DOK6: variants seen among roughly 807,000 people sequenced by gnomAD.
The protein encoded by DOK6 is docking protein 6, also known as downstream of tyrosine kinase 6.
A neutral mutation model predicts 44.0 loss-of-function variants in DOK6; 22 were observed. The observed-to-expected ratio is 0.50, with a 90% CI of 0.36 to 0.71. The LOEUF (loss-of-function observed/expected upper bound fraction) is 0.71. DOK6 is among the 30% of genes least tolerant of loss of function. The probability of loss-of-function intolerance (pLI) is 0.00; values close to 1 mark genes in which losing one functional copy is unlikely to be tolerated. For missense variants in DOK6, 340 were observed against 416.4 expected (o/e 0.82, Z 1.60); for synonymous variants, 166 against 145.5 (o/e 1.14, Z -1.01).
chr18:69,462,258 G>A (rs1483590296), intron 1 of DOK6, among the ~76,000 whole-genome samples: 1 of 151,996 alleles, frequency 6.6e-6, no homozygotes, highest in Admixed American at 6.6e-5. Flanking sequence ...TTAACCATGT[G>A]CTTTCAAAAT....
At chr18:69,713,888 C>T (rs1303998719) in intron 5 of DOK6, among the ~76,000 whole-genome samples, 1 of 152,138 alleles carries the variant, frequency 6.6e-6, no homozygotes, top group African/African-American at 2.4e-5. Flanking sequence ...GATTAAGCTC[C>T]CAGTCTTGGC....
intron 1 of DOK6, among the ~76,000 whole-genome samples, chr18:69,481,590 T>A (rs1415528578): frequency 6.6e-6 from 1 of 152,228 alleles, no homozygotes; most frequent in African/African-American, 2.4e-5. Context: ...CCATGGTGTA[T>A]GTGTGCCACA....
chr18:69,712,988 G>A (rs1425154910), intron 5 of DOK6, among the ~76,000 whole-genome samples: 1 of 152,168 alleles, frequency 6.6e-6, no homozygotes, highest in African/African-American at 2.4e-5. Context: ...AGATACACGA[G>A]ACTGACCTTG....
At chr18:69,693,253 C>T (rs1041331089) in intron 4 of DOK6, among the ~76,000 whole-genome samples, 5 of 149,928 alleles carry the variant, frequency 3.3e-5, no homozygotes, top group Non-Finnish European at 7.4e-5. Context: ...AACCTTCAAA[C>T]CCATGACTTC....
At chr18:69,611,495 TAC>T (rs58620722) in intron 3 of DOK6, among the ~76,000 whole-genome samples, 274 of 150,908 alleles carry the variant, frequency 1.8e-3, no homozygotes, top group African/African-American at 6.0e-3. Context: ...CAAGTACACG[TAC>T]ACACACACAC....
chr18:69,587,249 G>T (rs996720039), intron 2 of DOK6, among the ~76,000 whole-genome samples: 1 of 152,038 alleles, frequency 6.6e-6, no homozygotes, highest in African/African-American at 2.4e-5. Context: ...TGTCTGCGGG[G>T]CCACACTCTC....
chr18:69,456,017 A>G (rs55823510), intron 1 of DOK6, among the ~76,000 whole-genome samples: 30,281 of 152,090 alleles, frequency 0.2, 3,398 homozygotes, highest in Non-Finnish European at 0.23. Context: ...AATTTGTTTG[A>G]AATATACATG....
At chr18:69,584,062 C>G (rs1409818857) in intron 2 of DOK6, among the ~76,000 whole-genome samples, 1 of 138,696 alleles carries the variant, frequency 7.2e-6, no homozygotes, top group African/African-American at 2.7e-5. Context: ...GAGCCGAGAT[C>G]GCGCCACTGC....
chr18:69,517,161 C>G (rs77847337), intron 1 of DOK6, among the ~76,000 whole-genome samples: 6,534 of 152,234 alleles, frequency 0.043, 210 homozygotes, highest in Admixed American at 0.095. Flanking sequence ...TGTTAAAATA[C>G]TCTCTGAAGA....
chr18:69,562,465 G>T (rs1020805525), intron 1 of DOK6, among the ~76,000 whole-genome samples: 3 of 152,158 alleles, frequency 2.0e-5, no homozygotes, highest in African/African-American at 7.2e-5. Context: ...GTCAGGTAGT[G>T]TGATGCCTCC....
chr18:69,553,704 C>A (rs1254455914), intron 1 of DOK6, among the ~76,000 whole-genome samples: 1 of 152,152 alleles, frequency 6.6e-6, no homozygotes, highest in East Asian at 1.9e-4. Context: ...CCTTCAGAAG[C>A]CCCAGTACAA....
intron 3 of DOK6, among the ~76,000 whole-genome samples, chr18:69,617,726 AAAAGGGGGAAGGAGGGAAG>A (rs1568312818): frequency 1.3e-3 from 145 of 115,266 alleles, no homozygotes; most frequent in Middle Eastern, 4.1e-3. Flanking sequence ...AAAGAAAGAA[AAAAGGGGGAAGGAGGGAAG>A]GAAGGAAGGA....
chr18:69,762,182 C>T (rs898459784), intron 7 of DOK6, among the ~76,000 whole-genome samples: 5 of 151,640 alleles, frequency 3.3e-5, no homozygotes, highest in African/African-American at 1.2e-4. Context: ...TACATACATA[C>T]ATACATACAT....
intron 6 of DOK6, among the ~76,000 whole-genome samples, chr18:69,752,971 C>A (rs1486964409): frequency 6.6e-6 from 1 of 152,134 alleles, no homozygotes; most frequent in Non-Finnish European, 1.5e-5. Context: ...TCTGTACTGT[C>A]CTGGTCAGGA....
At chr18:69,544,489 A>G (rs1464270223) in intron 1 of DOK6, among the ~76,000 whole-genome samples, 1 of 151,626 alleles carries the variant, frequency 6.6e-6, no homozygotes, top group Non-Finnish European at 1.5e-5. Flanking sequence ...CCACATAATG[A>G]AAACACTCAA....
intron 7 of DOK6, among the ~76,000 whole-genome samples, chr18:69,829,051 A>C (rs1051910290): frequency 1.3e-5 from 2 of 150,828 alleles, no homozygotes; most frequent in East Asian, 3.9e-4. Flanking sequence ...TAAAGCAGCA[A>C]AAAGGAGAGT....
intron 1 of DOK6, among the ~76,000 whole-genome samples, chr18:69,429,618 T>C (rs1469340191): frequency 3.3e-5 from 3 of 90,298 alleles, no homozygotes; most frequent in Non-Finnish European, 6.8e-5. Context: ...TATTGAGGGA[T>C]ACATATATAT....
chr18:69,826,082 AATGAGG>A (rs1483060116), intron 7 of DOK6, among the ~76,000 whole-genome samples: 2 of 152,140 alleles, frequency 1.3e-5, no homozygotes, highest in African/African-American at 4.8e-5. Flanking sequence ...CTCATCTAAG[AATGAGG>A]ATAAGAGCAC....
chr18:69,460,194 T>C (rs1166664486), intron 1 of DOK6, among the ~76,000 whole-genome samples: 1 of 152,144 alleles, frequency 6.6e-6, no homozygotes, highest in Non-Finnish European at 1.5e-5. Context: ...AAATGCAAAA[T>C]GATTGATGTA....
Sources: allele counts gnomAD v4.1 joint callset (sites outside exome capture counted in the v4.1 genomes callset), GRCh38; gene constraint gnomAD v4.1.1; transcripts MANE v1.5; gene names NCBI Gene and HGNC (gene_info 2026-07-23, HGNC 2026-07-21).